SLC14A2: variants seen among roughly 807,000 people sequenced by gnomAD.
SLC14A2 encodes the protein urea transporter 2.
In SLC14A2, 91 loss-of-function variants were observed where a neutral mutation model predicts 104.6. The ratio of observed to expected loss-of-function variants is 0.87; its 90% CI spans 0.73 to 1.04. The LOEUF is 1.04. Ranked by LOEUF, SLC14A2 falls within the 50% of genes least tolerant of loss-of-function variation. The pLI is 0.00. For missense variants in SLC14A2, 1,189 were observed against 1,156.0 expected (o/e 1.03, Z -0.41); for synonymous variants, 476 against 466.4 (o/e 1.02, Z -0.27).
At chr18:45,615,603 T>TC (rs1331692458) in intron 1 of SLC14A2, 21 bp downstream of exon 1, 1 of 151,592 alleles carries the variant, frequency 6.6e-6, no homozygotes, top group Admixed American at 6.6e-5. Flanking sequence ...TAAATTTCTT[T>TC]TTTTTTTTTT....
At chr18:45,442,233 C>G (rs1365163516) in intron 1 of SLC14A2, among the ~76,000 whole-genome samples, 1 of 152,130 alleles carries the variant, frequency 6.6e-6, no homozygotes, top group Non-Finnish European at 1.5e-5. Flanking sequence ...TAGGACTATT[C>G]AAAGGCTTTG....
intron 2 of SLC14A2, among the ~76,000 whole-genome samples, chr18:45,487,407 G>T (rs966663229): frequency 3.3e-5 from 5 of 152,134 alleles, no homozygotes; most frequent in Non-Finnish European, 7.4e-5. Context: ...AATTACATCC[G>T]CAAAGTCCCT....
intron 1 of SLC14A2, among the ~76,000 whole-genome samples, chr18:45,388,611 A>G (rs1188248287): frequency 6.6e-6 from 1 of 152,086 alleles, no homozygotes; most frequent in Non-Finnish European, 1.5e-5. Context: ...GAGATGCTGA[A>G]TCTCTAATCC....
intron 10 of SLC14A2, among the ~76,000 whole-genome samples, chr18:45,658,255 T>TC (rs1227867914): frequency 1.3e-5 from 2 of 151,938 alleles, no homozygotes; most frequent in Non-Finnish European, 2.9e-5. Flanking sequence ...ACAACATCAA[T>TC]CCCCCCCTAG....
chr18:45,566,142 T>A (rs2044263454), intron 2 of SLC14A2, among the ~76,000 whole-genome samples: 1 of 152,178 alleles, frequency 6.6e-6, no homozygotes, highest in African/African-American at 2.4e-5. Context: ...GATAGAAAAT[T>A]AAGAAATAGT....
chr18:45,467,140 A>G (rs563043824), intron 1 of SLC14A2, among the ~76,000 whole-genome samples: 1 of 152,224 alleles, frequency 6.6e-6, no homozygotes, highest in African/African-American at 2.4e-5. Context: ...TTGTGATGGG[A>G]GAAGTCACCA....
At chr18:45,595,669 T>A (rs1179479680) in intron 2 of SLC14A2, among the ~76,000 whole-genome samples, 1 of 152,164 alleles carries the variant, frequency 6.6e-6, no homozygotes, top group Non-Finnish European at 1.5e-5. Context: ...AAGACTGTAA[T>A]GCCAGGCAGA....
At chr18:45,582,835 C>A (rs1041280308) in intron 2 of SLC14A2, among the ~76,000 whole-genome samples, 1 of 152,020 alleles carries the variant, frequency 6.6e-6, no homozygotes, top group African/African-American at 2.4e-5. Flanking sequence ...AAGTTACCCA[C>A]CCCCCTTAGG....
At chr18:45,402,705 T>C (rs1356166670) in intron 1 of SLC14A2, among the ~76,000 whole-genome samples, 1 of 152,220 alleles carries the variant, frequency 6.6e-6, no homozygotes, top group African/African-American at 2.4e-5. Flanking sequence ...CATTTTGGTT[T>C]ATAAGAAAAG....
intron 2 of SLC14A2, among the ~76,000 whole-genome samples, chr18:45,487,850 C>T (rs2087639011): frequency 6.6e-6 from 1 of 152,104 alleles, no homozygotes; most frequent in Non-Finnish European, 1.5e-5. Flanking sequence ...ATACGGGCTG[C>T]CCTGTGTATG....
At chr18:45,637,586 G>A (rs1342539113) in intron 6 of SLC14A2, among the ~76,000 whole-genome samples, 1 of 152,122 alleles carries the variant, frequency 6.6e-6, no homozygotes, top group Non-Finnish European at 1.5e-5. Context: ...TTAAAATTGG[G>A]ATTTTAAAGG....
At chr18:45,488,377 C>T (rs960681609) in intron 2 of SLC14A2, among the ~76,000 whole-genome samples, 1 of 152,120 alleles carries the variant, frequency 6.6e-6, no homozygotes, top group Non-Finnish European at 1.5e-5. Flanking sequence ...AGGCTGAGGG[C>T]AGGGCAGGGC....
At chr18:45,187,783 T>C in the SLC14A2 span, among the ~76,000 whole-genome samples, 1 of 151,258 alleles carries the variant, frequency 6.6e-6, no homozygotes, top group Non-Finnish European at 1.5e-5. Flanking sequence ...ATAAATAAAT[T>C]AGTTGTTTGA....
At chr18:45,230,139 C>T (rs959217933) in intron 1 of SLC14A2, among the ~76,000 whole-genome samples, 1 of 152,326 alleles carries the variant, frequency 6.6e-6, no homozygotes, top group South Asian at 2.1e-4. Flanking sequence ...AGAGTTACTG[C>T]CAGGTGCCTT....
intron 16 of SLC14A2, among the ~76,000 whole-genome samples, chr18:45,670,322 G>T (rs1332411723): frequency 2.0e-5 from 3 of 152,096 alleles, no homozygotes; most frequent in Admixed American, 2.0e-4. Flanking sequence ...CAGCCAAGGT[G>T]ATTAATAAGA....
At chr18:45,216,788 T>G (rs2084015123) in intron 1 of SLC14A2, among the ~76,000 whole-genome samples, 1 of 152,214 alleles carries the variant, frequency 6.6e-6, no homozygotes, top group Non-Finnish European at 1.5e-5. Flanking sequence ...GTCAACTTAT[T>G]TCCCACCTTT....
intron 10 of SLC14A2, 190 bp downstream of exon 10, chr18:45,644,350 A>G (rs1376772661): frequency 1.9e-6 from 1 of 534,392 alleles, no homozygotes; most frequent in Non-Finnish European, 3.3e-6. Flanking sequence ...AATCTCCATA[A>G]CTATCTATTG....
At chr18:45,667,117 C>G (rs757339794) in intron 13 of SLC14A2, 23 bp downstream of exon 13, 1 of 1,592,354 alleles carries the variant, frequency 6.3e-7, no homozygotes, top group Non-Finnish European at 8.6e-7. Flanking sequence ...GAGAACAACA[C>G]TGACCCTGAC....
chr18:45,402,886 G>T (rs1250692549), intron 1 of SLC14A2, among the ~76,000 whole-genome samples: 2 of 152,208 alleles, frequency 1.3e-5, no homozygotes, highest in African/African-American at 4.8e-5. Flanking sequence ...GGTGACTAAA[G>T]CTTCGTCATG....
Sources: allele counts gnomAD v4.1 joint callset (sites outside exome capture counted in the v4.1 genomes callset), GRCh38; gene constraint gnomAD v4.1.1; transcripts MANE v1.5; gene names NCBI Gene and HGNC (gene_info 2026-07-23, HGNC 2026-07-21).